Variants in HERC2 observed in about 807,000 individuals in gnomAD.
HERC2 encodes the protein E3 ubiquitin-protein ligase HERC2.
HERC2 carries 102 observed loss-of-function variants against 537.7 expected under a neutral mutation model. That is an observed-to-expected ratio of 0.19 (90% CI 0.16 to 0.22). The LOEUF (loss-of-function observed/expected upper bound fraction) is 0.22, where lower values mean the gene tolerates loss of function less well. Among genes scored for constraint, HERC2 ranks in the 10% least tolerant of loss-of-function variants. The pLI, the probability that HERC2 is intolerant of heterozygous loss-of-function variation, is 1.00. For synonymous variants in HERC2, 2,224 were observed against 2,466.2 expected (o/e 0.90, Z 2.91); for missense variants, 4,236 against 6,198.2 (o/e 0.68, Z 10.63).
intron 69 of HERC2, among the ~76,000 whole-genome samples, chr15:28,153,985 G>C (rs1892728550): frequency 6.6e-6 from 1 of 152,146 alleles, no homozygotes; most frequent in African/African-American, 2.4e-5. Context: ...TGCTGACCCA[G>C]TACACTAGGG....
chr15:28,122,716 C>G lies in HERC2; in HGVS notation c.13189-1287G>C, dbSNP rs1473673006. The stretch of plus-strand genomic sequence containing the variant: ...GGCCGATCCTCACCATAACCAGGAC[C>G]AGAACCGAGGCTGCCTACACATTCC... On this transcript the variant is annotated intron_variant, in intron 85 of 92. Transcript: ENST00000261609. This position sits in a 1 kb window ranked among gnomAD's most constrained non-coding sequence, Gnocchi z 4.1. Among the ~76,000 whole-genome samples the G allele has an allele frequency of 6.6e-6, 1 of 152,096 alleles. No homozygotes were observed. The highest frequency in any genetic ancestry group is 2.4e-5 in the African/African-American group (1 of 41,404).
At chr15:28,262,697 A>G (rs1176899630) in intron 15 of HERC2, among the ~76,000 whole-genome samples, 1 of 142,628 alleles carries the variant, frequency 7.0e-6, no homozygotes, top group South Asian at 2.3e-4. Flanking sequence ...ATTACATTTC[A>G]GTCATTTTGT....
Position 28,257,188 on chromosome 15 carries a change from A to T in HERC2, c.2390T>A (p.Met797Lys). 2 of 1,613,854 alleles carry T rather than the reference A, an allele frequency of 1.2e-6. No individual in the cohort carries two copies. The highest frequency in any genetic ancestry group is 1.7e-6 in the Non-Finnish European group (2 of 1,179,758). The change falls in exon 17 of 93, where the codon ATG becomes AAG. Residue 797 changes from methionine to lysine, a missense_variant. By Grantham distance (95) the Met-to-Lys change is moderately conservative (BLOSUM62 -1). Around this residue, in one of 27 missense-constraint regions of HERC2, gnomAD observed 754 missense variants for 1,085.0 expected, o/e 0.69. Coordinates refer to ENST00000261609, the MANE Select transcript of HERC2 (RefSeq NM_004667.6). ...CAGGAGATCCAGCTGCTCAAAAGTC[A>T]TTGAGCAGATGTCCACCACAAAAGG... Reference protein sequence around the residue: ...RVPFVVDICSMTFEQLDLLLR... With the variant: ...RVPFVVDICSKTFEQLDLLLR...
At chr15:28,320,737 C>G (rs1447933686) in intron 2 of HERC2, among the ~76,000 whole-genome samples, 1 of 151,594 alleles carries the variant, frequency 6.6e-6, no homozygotes, top group Non-Finnish European at 1.5e-5. Flanking sequence ...AATTGTCTAT[C>G]GAAATATTAG....
chr15:28,223,548 G>C (rs1216991331), intron 35 of HERC2, among the ~76,000 whole-genome samples: 1 of 152,182 alleles, frequency 6.6e-6, no homozygotes, highest in East Asian at 1.9e-4. Context: ...GAAGGGACAG[G>C]AGTTGCATTC....
At chr15:28,188,742 G>T (rs182014451) in intron 55 of HERC2, among the ~76,000 whole-genome samples, 44 of 152,194 alleles carry the variant, frequency 2.9e-4, no homozygotes, top group Middle Eastern at 3.4e-3. Flanking sequence ...GTTGAAGCTG[G>T]GTGACAGGTT....
Position 28,260,903 on chromosome 15 carries a change from G to C in HERC2, c.2190C>G (p.Val730=). 6.2e-7 allele frequency: 1 copy of C among 1,614,192 alleles called. No homozygotes were observed. Among genetic ancestry groups the C allele is most frequent in the Non-Finnish European group, 8.5e-7 (1 of 1,180,030 alleles). ...HCLALTEDSE[V]HSWGSNDQCQ... is the part of the protein sequence containing the mutation. The stretch of plus-strand genomic sequence containing the variant: ...ACTGGTCGTTGCTCCCCCAGCTGTG[G>C]ACCTCGCTGTCCTCAGTCAGAGCCA... The change falls in exon 16 of 93, where the codon GTC becomes GTG. Residue 730 remains valine, a synonymous_variant. Coordinates refer to ENST00000261609, the MANE Select transcript of HERC2 (RefSeq NM_004667.6).
intron 68 of HERC2, among the ~76,000 whole-genome samples, chr15:28,166,511 C>T (rs1894150963): frequency 6.6e-6 from 1 of 152,138 alleles, no homozygotes; most frequent in Admixed American, 6.5e-5. Context: ...TACCAAGCAC[C>T]CAGATCTCGG....
intron 56 of HERC2, 122 bp from the exon 57 acceptor site, chr15:28,182,634 TA>T (rs1406137308): frequency 1.3e-6 from 1 of 773,978 alleles, no homozygotes; most frequent in African/African-American, 1.8e-5. Flanking sequence ...CAGAAACTCT[TA>T]AAATTTTGCT....
In HERC2 at chr15:28,233,815, G is replaced by C. The variant is rs374660504; in HGVS notation, c.4219-19C>G. 72 of 1,611,858 alleles carry C rather than the reference G, an allele frequency of 4.5e-5. No individual in the cohort carries two copies. The African/African-American group carries it at 8.0e-4, about 18-fold the overall frequency. On this transcript the variant is annotated intron_variant, in intron 27 of 92. Transcript: ENST00000261609. Reference sequence around the variant, plus strand: ...AAAAGTCCTGCAACAGAAACAGCTGGAAGTAACTTCAGAGCCACCCAGTGA... The same window carrying C: ...AAAAGTCCTGCAACAGAAACAGCTGCAAGTAACTTCAGAGCCACCCAGTGA...
At chr15:28,165,439 A>G (rs1894030895) in intron 68 of HERC2, among the ~76,000 whole-genome samples, 1 of 152,180 alleles carries the variant, frequency 6.6e-6, no homozygotes, top group Middle Eastern at 3.2e-3. Flanking sequence ...GTTGGGTTAC[A>G]ATCAATCATA....
chr15:28,135,383 G>T, intron 79 of HERC2, 95 bp downstream of exon 79: 2 of 906,246 alleles, frequency 2.2e-6, no homozygotes, highest in African/African-American at 1.7e-5. Flanking sequence ...TGTAAATGTT[G>T]CCTTGAAAAA....
At chr15:28,319,281 G>A (rs1262725366) in intron 2 of HERC2, among the ~76,000 whole-genome samples, 2 of 152,266 alleles carry the variant, frequency 1.3e-5, no homozygotes, top group African/African-American at 4.8e-5. Flanking sequence ...ACTCCTAGGA[G>A]GAATTTAGAT....
At chr15:28,192,248 A>C in intron 52 of HERC2, 97 bp from the exon 53 acceptor site, 1 of 1,095,054 alleles carries the variant, frequency 9.1e-7, no homozygotes, top group Admixed American at 2.5e-5. Context: ...TCTTAAAGAA[A>C]AATAGAAAGT....
chr15:28,177,770 T>C lies in HERC2; in HGVS notation c.9164-261A>G, dbSNP rs1895437095. On this transcript the variant is annotated intron_variant, in intron 59 of 92. Coordinates refer to ENST00000261609, the MANE Select transcript of HERC2 (RefSeq NM_004667.6). This position sits in a 1 kb window ranked among gnomAD's most constrained non-coding sequence, Gnocchi z 5.0. ...GAGGCAAAATAATACTGATTATTAA[T>C]GGGGTTCCTATTATGTTAAATACAC... Among the ~76,000 whole-genome samples the C allele has an allele frequency of 6.6e-6, 1 of 152,234 alleles. No individual in the cohort carries two copies. The highest frequency in any genetic ancestry group is 2.4e-5 in the African/African-American group (1 of 41,454).
At position 28,246,034 on chromosome 15, in the gene HERC2, C is replaced by A. The variant is rs998747321; in HGVS notation, c.3424G>T (p.Val1142Leu). The A allele has an allele frequency of 6.2e-7, 1 of 1,611,654 alleles. No individual in the cohort carries two copies. Among genetic ancestry groups the A allele is most frequent in the Admixed American group, 1.7e-5 (1 of 59,570 alleles). Reference sequence around the variant, plus strand: ...CCAGCATTTTTACTGAGCAGAAGCACTATAGAAACTACTAGTTCTGGAAGG... The same window carrying A: ...CCAGCATTTTTACTGAGCAGAAGCAATATAGAAACTACTAGTTCTGGAAGG... ...VLLPELVVSI[V>L]LLLSKNAGLM... The change falls in exon 23 of 93, where the codon GTG (valine) becomes TTG (leucine). Residue 1142 changes from valine (V) to leucine (L), a missense_variant. Transcript: ENST00000261609.
rs1902663194 is a variant in HERC2 at position 28,238,198 on chromosome 15, G to C, written c.3768C>G (p.Asp1256Glu). ...AAGCAGCTTCCAAAGCTACCACTGG[G>C]TCTTCCCCTGCAAACTGAGCTGAAA... is the stretch of plus-strand genomic sequence containing the variant. Reference protein sequence around the residue: ...NSILAQFAGEDPVVALEAALQ... With the variant: ...NSILAQFAGEEPVVALEAALQ... The change falls in exon 25 of 93, where the codon GAC (aspartate) becomes GAG (glutamate). Residue 1256 changes from aspartate to glutamate, a missense_variant. By Grantham distance (45) the Asp-to-Glu change is conservative. Around this residue, in one of 27 missense-constraint regions of HERC2, gnomAD observed 754 missense variants for 1,085.0 expected, o/e 0.69. Coordinates refer to ENST00000261609, the MANE Select transcript of HERC2 (RefSeq NM_004667.6). The C allele has an allele frequency of 6.2e-7, 1 of 1,602,718 alleles. No individual in the cohort carries two copies. The highest frequency in any genetic ancestry group is 1.7e-5 in the Admixed American group (1 of 59,976).
At chr15:28,270,244 TATAGATAGATAG>T (rs200317563) in intron 10 of HERC2, among the ~76,000 whole-genome samples, 3 of 151,158 alleles carry the variant, frequency 2.0e-5, no homozygotes, top group African/African-American at 4.9e-5. Flanking sequence ...TTTATTTATT[TATAGATAGATAG>T]ATAGATAGAT....
chr15:28,253,144 T>G (rs1311875955), intron 20 of HERC2, among the ~76,000 whole-genome samples: 4 of 151,534 alleles, frequency 2.6e-5, no homozygotes, highest in African/African-American at 7.3e-5. Context: ...TCACCTTGCT[T>G]TTTCGCTCTT....
Sources: gnomAD v4.1 joint callset for allele counts (sites outside exome capture counted in the v4.1 genomes callset) on GRCh38, gnomAD v4.1.1 for gene constraint, gnomAD v4.1.1 regional missense constraint, Gnocchi (gnomAD v3.1) non-coding constraint, MANE v1.5 for transcripts, NCBI Gene and HGNC (gene_info 2026-07-23, HGNC 2026-07-21) for gene names.